The following NAV2 variants were observed in gnomAD, a reference collection of about 807,000 sequenced individuals.
NAV2 encodes helicase, APC down-regulated 1.
Under a neutral mutation model 223.2 loss-of-function variants are expected in NAV2, and 54 were observed. The ratio of observed to expected loss-of-function variants is 0.24; its 90% CI spans 0.19 to 0.30. The LOEUF (loss-of-function observed/expected upper bound fraction) is 0.30, where lower values mean the gene tolerates loss of function less well. Ranked by LOEUF, NAV2 falls within the 10% of genes least tolerant of loss-of-function variation. The pLI is 1.00. For missense variants in NAV2, 2,806 were observed against 3,147.5 expected (o/e 0.89, Z 2.60); for synonymous variants, 1,279 against 1,239.3 (o/e 1.03, Z -0.67).
In NAV2 at chr11:19,589,146, G is replaced by A. The variant is rs554204537; in HGVS notation, c.75+238119G>A. Among the ~76,000 whole-genome samples, 67 of 152,332 alleles carry A rather than the reference G, an allele frequency of 4.4e-4. 1 individual carries two copies. In the South Asian group the frequency reaches 0.014, roughly 31 times the overall value. ...TCACAGTCTAGAGGGAGACAGAGAA[G>A]TCCTGTATTTCTTGGATCCTAAGAT... On this transcript the variant is annotated intron_variant, in intron 1 of 37. Coordinates refer to the NAV2 transcript ENST00000360655.
intron 10 of NAV2, among the ~76,000 whole-genome samples, chr11:19,983,412 C>A (rs2050473907): frequency 6.6e-6 from 1 of 152,162 alleles, no homozygotes; most frequent in Non-Finnish European, 1.5e-5. Flanking sequence ...AGTTTTGTGG[C>A]AACCCCCTGA....
intron 2 of NAV2, among the ~76,000 whole-genome samples, chr11:19,838,343 G>C (rs974481395): frequency 1.6e-4 from 25 of 152,112 alleles, no homozygotes; most frequent in African/African-American, 6.0e-4. Context: ...GTCAATCACA[G>C]AAAGGTTCCT....
intron 19 of NAV2, among the ~76,000 whole-genome samples, chr11:20,061,744 T>G (rs901437800): frequency 1.8e-4 from 28 of 152,192 alleles, no homozygotes; most frequent in African/African-American, 6.5e-4. Context: ...ATGGATATGT[T>G]TTCTAAACAA....
chr11:19,931,609 A>AAAAAAAAAAAAAAAAAAAAAAG lies in NAV2; in HGVS notation c.932-1567_932-1566insAAAAAAAAAAAAAAAAAAAAAG. 1.5e-5 allele frequency among the ~76,000 whole-genome samples: 2 copies of AAAAAAAAAAAAAAAAAAAAAAG among 137,328 alleles called. 1 individual carries two copies. The highest frequency in any genetic ancestry group is 3.1e-5 in the Non-Finnish European group (2 of 64,324). 90.1% of individuals were successfully genotyped at this position (137,328 alleles called of 152,430 possible). ...ACATAGGTATTTAAAAAAAAAAAAA[A>AAAAAAAAAAAAAAAAAAAAAAG]GCAGAAGAAGCAGCCGTTAATCCCG... On this transcript the variant is annotated intron_variant, in intron 6 of 37. Coordinates refer to ENST00000349880, the MANE Select transcript of NAV2 (RefSeq NM_145117.5).
intron 1 of NAV2, among the ~76,000 whole-genome samples, chr11:19,608,933 A>T (rs1414988649): frequency 6.6e-6 from 1 of 152,098 alleles, no homozygotes; most frequent in African/African-American, 2.4e-5. Flanking sequence ...AGCTGCAATC[A>T]CTGGCATCAC....
chr11:20,103,924 T>C (rs1036483012), intron 34 of NAV2, among the ~76,000 whole-genome samples, 200 bp downstream of exon 34: 1 of 152,236 alleles, frequency 6.6e-6, no homozygotes, highest in Non-Finnish European at 1.5e-5. Context: ...ATGGGGAAAC[T>C]AAGGCCCAGA....
intron 1 of NAV2, among the ~76,000 whole-genome samples, chr11:19,787,848 C>A (rs7936837): frequency 0.32 from 48,732 of 151,746 alleles, 8,493 homozygotes; most frequent in East Asian, 0.7. Flanking sequence ...ATAAAGAGCC[C>A]TACTTTCTTG....
In NAV2 at chr11:19,532,144, G is replaced by A. The variant is rs1442180217; in HGVS notation, c.75+181117G>A. ...CAGGGAGATTCATGGCCCATTTCGA[G>A]CCCAGTGGAAAGTTGGGCAGTGAAA... On this transcript the variant is annotated intron_variant, in intron 1 of 37. Transcript: ENST00000360655. 2.6e-5 allele frequency among the ~76,000 whole-genome samples: 4 copies of A among 152,218 alleles called. No individual in the cohort carries two copies. The East Asian group carries it at 7.7e-4, about 29-fold the overall frequency.
chr11:19,554,144 T>C (rs968130844), intron 1 of NAV2, among the ~76,000 whole-genome samples: 3 of 152,114 alleles, frequency 2.0e-5, no homozygotes, highest in Admixed American at 6.6e-5. Flanking sequence ...TGGGTTAGAG[T>C]CTTCTAAGGG....
intron 1 of NAV2, among the ~76,000 whole-genome samples, chr11:19,695,535 G>A (rs548457002): frequency 9.9e-4 from 150 of 152,282 alleles, no homozygotes; most frequent in African/African-American, 3.5e-3. Flanking sequence ...GCTGCAGGGT[G>A]CAAGCTGGAA....
intron 1 of NAV2, among the ~76,000 whole-genome samples, chr11:19,569,244 T>C (rs2045356763): frequency 6.6e-6 from 1 of 152,232 alleles, no homozygotes; most frequent in African/African-American, 2.4e-5. Context: ...TCTCTTAGTC[T>C]GGAATGTCCT....
intron 1 of NAV2, among the ~76,000 whole-genome samples, chr11:19,496,648 G>T (rs2042802095): frequency 6.6e-6 from 1 of 152,296 alleles, no homozygotes; most frequent in South Asian, 2.1e-4. Context: ...TTGTTACACA[G>T]GTTAGTCCTG....
At chr11:19,989,279 G>C (rs910566541) in intron 11 of NAV2, among the ~76,000 whole-genome samples, 7 of 152,182 alleles carry the variant, frequency 4.6e-5, no homozygotes, top group South Asian at 2.1e-4. Flanking sequence ...AGGCCAAGAG[G>C]AGGAGGTCAG....
At chr11:19,934,668 TAAAA>T (rs771224471) in intron 7 of NAV2, among the ~76,000 whole-genome samples, 39 of 152,020 alleles carry the variant, frequency 2.6e-4, no homozygotes, top group Non-Finnish European at 4.4e-4. Flanking sequence ...CCAACATACT[TAAAA>T]AATAAATAAA....
intron 1 of NAV2, among the ~76,000 whole-genome samples, chr11:19,586,665 G>C (rs548557545): frequency 2.0e-5 from 3 of 152,332 alleles, no homozygotes; most frequent in African/African-American, 7.2e-5. Flanking sequence ...GTTTGCCTGG[G>C]TATCAGCAGC....
At chr11:19,856,482 G>A (rs11025291) in intron 3 of NAV2, among the ~76,000 whole-genome samples, 39,347 of 152,024 alleles carry the variant, frequency 0.26, 5,215 homozygotes, top group African/African-American at 0.3. Context: ...AATTCCCCAA[G>A]TTATATATTC....
At chr11:19,561,325 C>T (rs761243766) in intron 1 of NAV2, among the ~76,000 whole-genome samples, 1 of 152,092 alleles carries the variant, frequency 6.6e-6, no homozygotes, top group African/African-American at 2.4e-5. Flanking sequence ...CACGGAGAGT[C>T]GGGCGGGAAA....
At chr11:19,934,618 G>A (rs1352439636) in intron 7 of NAV2, among the ~76,000 whole-genome samples, 1 of 152,086 alleles carries the variant, frequency 6.6e-6, no homozygotes, top group African/African-American at 2.4e-5. Context: ...GGGGCGGTTT[G>A]GTGTCACCCG....
At chr11:19,399,867 C>T (rs1201992748) in intron 1 of NAV2, among the ~76,000 whole-genome samples, 1 of 152,156 alleles carries the variant, frequency 6.6e-6, no homozygotes, top group African/African-American at 2.4e-5. Context: ...GATGGGATGG[C>T]TCTAGGAGTA....
Sources: allele counts gnomAD v4.1 joint callset (sites outside exome capture counted in the v4.1 genomes callset), GRCh38; gene constraint gnomAD v4.1.1; transcripts MANE v1.5; gene names NCBI Gene and HGNC (gene_info 2026-07-23, HGNC 2026-07-21).